Variants in FRMD4A observed in about 807,000 individuals in gnomAD.
The protein encoded by FRMD4A is FERM domain-containing protein 4A.
Under a neutral mutation model 129.1 loss-of-function variants are expected in FRMD4A, and 29 were observed. The observed-to-expected ratio is 0.22, with a 90% CI of 0.17 to 0.31. FRMD4A has a LOEUF of 0.31. Ranked by LOEUF, FRMD4A falls within the 10% of genes least tolerant of loss-of-function variation. The pLI is 1.00. For missense variants in FRMD4A, 1,272 were observed against 1,375.8 expected (o/e 0.92, Z 1.19); for synonymous variants, 634 against 571.6 (o/e 1.11, Z -1.56).
chr10:14,119,995 CTTT>C (rs34292351), intron 2 of FRMD4A, among the ~76,000 whole-genome samples: 510 of 131,198 alleles, frequency 3.9e-3, no homozygotes, highest in Admixed American at 4.6e-3. Context: ...ATGTCATCTG[CTTT>C]TTTTTTTTTT....
intron 2 of FRMD4A, among the ~76,000 whole-genome samples, chr10:14,196,839 C>T (rs186246930): frequency 6.6e-6 from 1 of 152,272 alleles, no homozygotes; most frequent in Admixed American, 6.5e-5. Flanking sequence ...TATGTCCAGT[C>T]GTAGTTCTCT....
intron 2 of FRMD4A, among the ~76,000 whole-genome samples, chr10:13,873,021 C>T (rs1184315451): frequency 6.6e-6 from 1 of 151,606 alleles, no homozygotes; most frequent in Non-Finnish European, 1.5e-5. Context: ...ACTACAAATA[C>T]AAAAATTAGC....
At chr10:14,057,700 A>T (rs930053522) in intron 2 of FRMD4A, among the ~76,000 whole-genome samples, 2 of 152,050 alleles carry the variant, frequency 1.3e-5, no homozygotes, top group African/African-American at 4.8e-5. Context: ...CCTCCCAAGT[A>T]GCTGGGATTA....
intron 2 of FRMD4A, among the ~76,000 whole-genome samples, chr10:13,867,170 G>A (rs2094377985): frequency 6.6e-6 from 1 of 152,034 alleles, no homozygotes; most frequent in African/African-American, 2.4e-5. Context: ...CTTATCTACT[G>A]TGGTTCTGTA....
At chr10:13,933,319 T>C (rs2095218835) in intron 2 of FRMD4A, among the ~76,000 whole-genome samples, 1 of 152,184 alleles carries the variant, frequency 6.6e-6, no homozygotes, top group Non-Finnish European at 1.5e-5. Flanking sequence ...ACATAGGGCA[T>C]ACACCAAGTA....
chr10:14,259,592 A>G (rs1224865452), intron 2 of FRMD4A, among the ~76,000 whole-genome samples: 1 of 152,216 alleles, frequency 6.6e-6, no homozygotes, highest in African/African-American at 2.4e-5. Flanking sequence ...GGCTATTTTA[A>G]CTTTTTTCTT....
chr10:14,008,926 T>C (rs186365585), intron 2 of FRMD4A, among the ~76,000 whole-genome samples: 1 of 152,334 alleles, frequency 6.6e-6, no homozygotes, highest in Non-Finnish European at 1.5e-5. Flanking sequence ...AAGAAGAAAC[T>C]GTTGCAATCA....
At chr10:13,696,754 A>C (rs1027754919) in intron 14 of FRMD4A, among the ~76,000 whole-genome samples, 1 of 152,176 alleles carries the variant, frequency 6.6e-6, no homozygotes, top group Non-Finnish European at 1.5e-5. Flanking sequence ...TGTCTAAAAA[A>C]AAAGACCTGA....
At chr10:14,215,970 A>C (rs1229167639) in intron 2 of FRMD4A, among the ~76,000 whole-genome samples, 34 of 151,946 alleles carry the variant, frequency 2.2e-4, no homozygotes, top group Admixed American at 2.2e-3. Context: ...TAAAAAAAAA[A>C]CCACGTTGTT....
At chr10:14,042,924 C>CAAAAAAAAAAAAAAAAAAAAAAAAAAAAA in intron 2 of FRMD4A, among the ~76,000 whole-genome samples, 1 of 62,800 alleles carries the variant, frequency 1.6e-5, no homozygotes, top group Non-Finnish European at 3.1e-5. Context: ...GACTCCATCT[C>CAAAAAAAAAAAAAAAAAAAAAAAAAAAAA]AAAAAAAAAA....
chr10:13,809,889 G>C (rs2093417603), intron 4 of FRMD4A, among the ~76,000 whole-genome samples: 1 of 152,216 alleles, frequency 6.6e-6, no homozygotes, highest in African/African-American at 2.4e-5. Context: ...GCCAAGTGTA[G>C]CCATGTGCAG....
chr10:13,788,635 ACT>A (rs1265965231), intron 5 of FRMD4A, among the ~76,000 whole-genome samples: 1 of 152,150 alleles, frequency 6.6e-6, no homozygotes, highest in Admixed American at 6.5e-5. Flanking sequence ...CTAAAGGAAC[ACT>A]CTAGATGGAG....
In FRMD4A at chr10:14,093,684, T is replaced by G. The variant is rs541495067; in HGVS notation, c.46-234772A>C. On this transcript the variant is annotated intron_variant, in intron 2 of 24. Coordinates refer to ENST00000357447, the MANE Select transcript of FRMD4A (RefSeq NM_018027.5). ...TTCAACCATATTATGAATAAAATTA[T>G]CAGCAGAGTGCTAAGAGCAGATGGC... Among the ~76,000 whole-genome samples, 30 of 115,742 alleles carry G rather than the reference T, an allele frequency of 2.6e-4. No homozygotes were observed. In the South Asian group the frequency reaches 8.8e-3, roughly 34 times the overall value. 75.9% of individuals were successfully genotyped at this position (115,742 alleles called of 152,430 possible). A position where few individuals can be genotyped will look rare whatever the true frequency, so the allele number is the denominator to read the frequency against.
chr10:13,678,467 G>A (rs977744812), intron 15 of FRMD4A, among the ~76,000 whole-genome samples: 3 of 152,258 alleles, frequency 2.0e-5, no homozygotes, highest in Non-Finnish European at 2.9e-5. Context: ...CTCACTGGAT[G>A]TGTGGCCTTG....
chr10:14,127,926 CTT>C (rs1377360156), intron 2 of FRMD4A, among the ~76,000 whole-genome samples: 11 of 4,880 alleles, frequency 2.3e-3, no homozygotes, highest in African/African-American at 4.9e-3. Flanking sequence ...TTCTTTCTTT[CTT>C]TCTTTCTTTC....
chr10:13,960,185 CT>C (rs1334709339), intron 2 of FRMD4A, among the ~76,000 whole-genome samples: 1 of 152,228 alleles, frequency 6.6e-6, no homozygotes, highest in African/African-American at 2.4e-5. Flanking sequence ...TGCCTGGAAT[CT>C]TTGGCGGCAG....
intron 12 of FRMD4A, among the ~76,000 whole-genome samples, chr10:13,732,915 C>A (rs4750401): frequency 0.33 from 49,623 of 152,122 alleles, 9,446 homozygotes; most frequent in Non-Finnish European, 0.44. Flanking sequence ...GTCCTTGTCT[C>A]CAGGACATCA....
At chr10:14,066,631 T>C (rs992619552) in intron 2 of FRMD4A, among the ~76,000 whole-genome samples, 1 of 152,152 alleles carries the variant, frequency 6.6e-6, no homozygotes. Context: ...CCTACGCCTG[T>C]GTGCCGCACT....
chr10:13,982,848 T>A (rs2095567104), intron 2 of FRMD4A, among the ~76,000 whole-genome samples: 1 of 152,214 alleles, frequency 6.6e-6, no homozygotes, highest in South Asian at 2.1e-4. Flanking sequence ...GTCAGCTAAT[T>A]TTCAGCGAAC....
Sources: allele counts gnomAD v4.1 joint callset (sites outside exome capture counted in the v4.1 genomes callset), GRCh38; gene constraint gnomAD v4.1.1; transcripts MANE v1.5; gene names NCBI Gene and HGNC (gene_info 2026-07-23, HGNC 2026-07-21).